SMAD4: variants seen among roughly 807,000 people sequenced by gnomAD.
SMAD4 encodes the protein SMAD family member 4.
In SMAD4, 7 loss-of-function variants were observed where a neutral mutation model predicts 63.2. The observed-to-expected ratio is 0.11, with a 90% CI of 0.06 to 0.21. The LOEUF (loss-of-function observed/expected upper bound fraction) is 0.21, where lower values mean the gene tolerates loss of function less well. Among genes scored for constraint, SMAD4 ranks in the 10% least tolerant of loss-of-function variants. The pLI is 1.00. For synonymous variants in SMAD4, 215 were observed against 235.4 expected, an observed-to-expected ratio of 0.91 and a Z score of 0.79; for missense variants, 312 against 693.8, an observed-to-expected ratio of 0.45 and a Z score of 6.18.
rs569981255 is a variant in SMAD4 at position 51,076,732 on chromosome 18, A to G, written c.1403A>G (p.Asn468Ser). 6.2e-7 allele frequency: 1 copy of G among 1,613,616 alleles called. No homozygotes were observed. The highest frequency in any genetic ancestry group is 1.7e-5 in the Admixed American group (1 of 60,008). Residue 468 changes from asparagine to serine, a missense_variant, in exon 11 of 12, where the codon AAC becomes AGC. By Grantham distance (46) the Asn-to-Ser change is conservative. Coordinates refer to ENST00000342988, the MANE Select transcript of SMAD4 (RefSeq NM_005359.6). ...GCCCAGGCAGCAGCCGTGGCAGGAA[A>G]CATCCCTGGCCCAGGATCAGTAGGT... ...AAAQAAAVAGNIPGPGSVGGI... is the reference protein window; with the variant it reads ...AAAQAAAVAGSIPGPGSVGGI...
chr18:51,069,888 T>G (rs552098907), intron 10 of SMAD4, among the ~76,000 whole-genome samples: 5 of 152,368 alleles, frequency 3.3e-5, no homozygotes, highest in African/African-American at 1.2e-4. Flanking sequence ...GTTTATGGTC[T>G]TGGTATACCC....
chr18:51,048,794 G>T lies in SMAD4; in HGVS notation c.358G>T (p.Asp120Tyr). Residue 120 changes from aspartate to tyrosine, a missense_variant, in exon 3 of 12, where the codon GAC (aspartate) becomes TAC (tyrosine). This residue lies in a region of SMAD4 where 14 missense variants were observed against 89.6 expected (regional missense o/e 0.16). Transcript: ENST00000342988. ...KHVKYCQYAF[D>Y]LKCDSVCVNP... ...TGTTAAATATTGTCAGTATGCGTTT[G>T]ACTTAAAATGTGATAGTGTCTGTGT... The T allele has an allele frequency of 6.2e-7, 1 of 1,613,838 alleles. No homozygotes were observed. Among genetic ancestry groups the T allele is most frequent in the South Asian group, 1.1e-5 (1 of 91,064 alleles).
At chr18:51,063,552 A>G (rs1910073775) in intron 8 of SMAD4, among the ~76,000 whole-genome samples, 1 of 152,034 alleles carries the variant, frequency 6.6e-6, no homozygotes, top group Admixed American at 6.6e-5. Context: ...AGCTGGGACT[A>G]CAGGTGGACA....
intron 1 of SMAD4, among the ~76,000 whole-genome samples, chr18:51,043,575 T>C (rs552441621): frequency 3.5e-4 from 54 of 152,348 alleles, no homozygotes; most frequent in Middle Eastern, 3.4e-3. Flanking sequence ...TGCATAACTT[T>C]TAATTATGTT....
intron 4 of SMAD4, chr18:51,052,473 A>G (rs894455279): frequency 3.6e-5 from 6 of 168,776 alleles, no homozygotes; most frequent in East Asian, 1.6e-4. Flanking sequence ...CCCAAGTACT[A>G]GAACAGTACC....
intron 8 of SMAD4, among the ~76,000 whole-genome samples, chr18:51,063,716 A>AAT (rs1162687344): frequency 2.0e-5 from 3 of 152,192 alleles, no homozygotes; most frequent in Non-Finnish European, 4.4e-5. Flanking sequence ...CCCGGCTGAA[A>AAT]ATAATTTCAT....
At chr18:51,033,390 A>G (rs1413375804) in intron 1 of SMAD4, among the ~76,000 whole-genome samples, 1 of 152,208 alleles carries the variant, frequency 6.6e-6, no homozygotes. Context: ...AGGTTTCGCC[A>G]TGTTGGCCAG....
chr18:51,065,636 T>A (rs1555686516), intron 9 of SMAD4, 30 bp downstream of exon 9: 3 of 1,585,130 alleles, frequency 1.9e-6, no homozygotes, highest in Middle Eastern at 1.7e-4. Flanking sequence ...ATAGTTACTT[T>A]AAAAAATTGA....
intron 2 of SMAD4, among the ~76,000 whole-genome samples, 193 bp downstream of exon 2, chr18:51,047,488 G>A (rs1281327946): frequency 1.3e-5 from 2 of 152,006 alleles, no homozygotes; most frequent in Non-Finnish European, 1.5e-5. Context: ...GTTTTTTAAT[G>A]TTCTACTCAG....
In SMAD4 at chr18:51,054,846, A is replaced by G. The variant is rs1333974956; in HGVS notation, c.520A>G (p.Thr174Ala). 2.5e-6 allele frequency: 4 copies of G among 1,613,928 alleles called. No individual in the cohort carries two copies. Among genetic ancestry groups the G allele is most frequent in the Non-Finnish European group, 3.4e-6 (4 of 1,179,760 alleles). Residue 174 changes from threonine (T) to alanine (A), a missense_variant, in exon 5 of 12, where the codon ACT becomes GCT. Thr to Ala is a moderately conservative substitution (Grantham distance 58). Around this residue, in one of 4 missense-constraint regions of SMAD4, gnomAD observed 169 missense variants for 211.0 expected, o/e 0.80. Transcript: ENST00000342988. The stretch of plus-strand genomic sequence containing the variant: ...CTTTGAGGGACAGCCATCGTTGTCC[A>G]CTGAAGGACATTCAATTCAAACCAT... ...HDFEGQPSLS[T>A]EGHSIQTIQH...
chr18:51,065,040 A>G (rs1338393086), intron 8 of SMAD4, among the ~76,000 whole-genome samples: 1 of 152,212 alleles, frequency 6.6e-6, no homozygotes, highest in African/African-American at 2.4e-5. Flanking sequence ...AGTCAAATGA[A>G]ATACCATGGT....
intron 1 of SMAD4, among the ~76,000 whole-genome samples, chr18:51,035,381 C>T (rs1459861921): frequency 6.6e-6 from 1 of 152,138 alleles, no homozygotes; most frequent in Non-Finnish European, 1.5e-5. Context: ...AAGTTAGCAT[C>T]TGAACTCCCT....
Position 51,080,117 on chromosome 18 carries a change from C to G in SMAD4, c.*1650C>G, listed in dbSNP as rs1017940704. The G allele has an allele frequency of 4.3e-6, 1 of 232,492 alleles. No individual in the cohort carries two copies. Among genetic ancestry groups the G allele is most frequent in the Non-Finnish European group, 8.5e-6 (1 of 117,712 alleles). The allele number at this position is 232,492 out of a possible 1,614,324, so 14.4% of individuals were successfully genotyped here. A position where few individuals can be genotyped will look rare whatever the true frequency, so the allele number is the denominator to read the frequency against. On this transcript the variant is annotated 3_prime_UTR_variant, in exon 12 of 12. Transcript: ENST00000342988. Reference sequence around the variant, plus strand: ...TTACTTTTGCCTGGAGAACTTTTAGCTATAGAAACACTTGTGTGATGATAG... The same window carrying G: ...TTACTTTTGCCTGGAGAACTTTTAGGTATAGAAACACTTGTGTGATGATAG...
At chr18:51,074,051 A>G (rs1910407066) in intron 10 of SMAD4, among the ~76,000 whole-genome samples, 1 of 152,070 alleles carries the variant, frequency 6.6e-6, no homozygotes, top group African/African-American at 2.4e-5. Context: ...AAAACTCAAC[A>G]ATAAAATAAT....
chr18:51,033,849 G>A (rs923366291), intron 1 of SMAD4, among the ~76,000 whole-genome samples: 2 of 152,212 alleles, frequency 1.3e-5, no homozygotes, highest in South Asian at 2.1e-4. Context: ...AACTATGAGA[G>A]TGAATGAAAA....
chr18:51,080,286 T>G lies in SMAD4; in HGVS notation c.*1819T>G. On this transcript the variant is annotated 3_prime_UTR_variant, in exon 12 of 12. Transcript: ENST00000342988. ...TGATCCAAGCTACATGACTTTTGTC[T>G]TTAAATAACTTATCTACCACCTCAT... is the stretch of plus-strand genomic sequence containing the variant. 1 of 232,244 alleles carries G rather than the reference T, an allele frequency of 4.3e-6. No homozygotes were observed. The highest frequency in any genetic ancestry group is 8.5e-6 in the Non-Finnish European group (1 of 117,454). The allele number at this position is 232,244 out of a possible 1,614,324, so 14.4% of individuals were successfully genotyped here.
intron 10 of SMAD4, among the ~76,000 whole-genome samples, chr18:51,067,499 G>A (rs773088759): frequency 1.3e-5 from 2 of 151,866 alleles, no homozygotes; most frequent in Non-Finnish European, 2.9e-5. Context: ...TGCAACCTGC[G>A]CCTCCTGGGT....
chr18:51,071,300 T>A (rs1407020148), intron 10 of SMAD4, among the ~76,000 whole-genome samples: 8 of 151,704 alleles, frequency 5.3e-5, no homozygotes, highest in African/African-American at 1.7e-4. Flanking sequence ...ACACACACAT[T>A]CCCCTTTTTA....
At chr18:51,065,702 T>C (rs761498845) in intron 9 of SMAD4, 96 bp downstream of exon 9, 3 of 929,738 alleles carry the variant, frequency 3.2e-6, no homozygotes, top group Non-Finnish European at 4.8e-6. Context: ...ATTATATGTG[T>C]TCTTAAATAT....
Sources: gnomAD v4.1 joint callset for allele counts (sites outside exome capture counted in the v4.1 genomes callset) on GRCh38, gnomAD v4.1.1 for gene constraint, gnomAD v4.1.1 regional missense constraint, MANE v1.5 for transcripts, NCBI Gene and HGNC (gene_info 2026-07-23, HGNC 2026-07-21) for gene names.